The following PPARGC1A variants were observed in gnomAD, a reference collection of about 807,000 sequenced individuals.
The protein encoded by PPARGC1A is PPARG coactivator 1 alpha, also known as peroxisome proliferator-activated receptor gamma coactivator 1-alpha.
A neutral mutation model predicts 88.7 loss-of-function variants in PPARGC1A; 25 were observed. The ratio of observed to expected loss-of-function variants is 0.28; its 90% CI spans 0.21 to 0.39. The LOEUF is 0.39. PPARGC1A is among the 10% of genes least tolerant of loss of function. The probability of loss-of-function intolerance (pLI) is 1.00; values close to 1 mark genes in which losing one functional copy is unlikely to be tolerated. For missense variants in PPARGC1A, 880 were observed against 968.7 expected, an observed-to-expected ratio of 0.91 and a Z score of 1.22; for synonymous variants, 363 against 355.6, an observed-to-expected ratio of 1.02 and a Z score of -0.24.
At chr4:23,825,320 G>A (rs555471211) in intron 5 of PPARGC1A, 32 of 152,106 alleles carry the variant, frequency 2.1e-4, no homozygotes, top group African/African-American at 7.5e-4. Context: ...CATGTATTAT[G>A]TATATCTATG....
intron 2 of PPARGC1A, among the ~76,000 whole-genome samples, chr4:23,854,732 G>A (rs891944845): frequency 6.6e-6 from 1 of 152,112 alleles, no homozygotes; most frequent in African/African-American, 2.4e-5. Flanking sequence ...TCCTGAGGTT[G>A]GAGTGTGTCA....
chr4:23,803,572 G>C (rs1719181662), intron 10 of PPARGC1A, among the ~76,000 whole-genome samples: 1 of 152,144 alleles, frequency 6.6e-6, no homozygotes, highest in South Asian at 2.1e-4. Context: ...TGCATTCTTA[G>C]TGTAAGAAGC....
the PPARGC1A span, among the ~76,000 whole-genome samples, chr4:23,919,503 G>A: frequency 2.9e-5 from 3 of 105,106 alleles, no homozygotes; most frequent in South Asian, 9.5e-4. Flanking sequence ...GGAGGACTTT[G>A]GAGTTTGAAA....
At chr4:24,446,683 G>A in the PPARGC1A span, among the ~76,000 whole-genome samples, 2 of 145,178 alleles carry the variant, frequency 1.4e-5, no homozygotes, top group African/African-American at 2.6e-5. Context: ...TGCAACCTCC[G>A]CCCCCTAGGT....
At chr4:23,987,862 C>T in the PPARGC1A span, among the ~76,000 whole-genome samples, 1 of 151,956 alleles carries the variant, frequency 6.6e-6, no homozygotes, top group Admixed American at 6.6e-5. Context: ...CATAGGTATG[C>T]ACCTGCCACG....
the PPARGC1A span, among the ~76,000 whole-genome samples, chr4:24,464,340 T>C: frequency 1.3e-5 from 2 of 152,272 alleles, no homozygotes; most frequent in Non-Finnish European, 2.9e-5. Flanking sequence ...TGATAACATC[T>C]ATTTTCAGCA....
the PPARGC1A span, among the ~76,000 whole-genome samples, chr4:24,366,703 A>G: frequency 1.3e-5 from 2 of 152,130 alleles, no homozygotes; most frequent in South Asian, 2.1e-4. Flanking sequence ...TGCTCTCCCC[A>G]AGACCTAAAT....
chr4:23,796,661 A>C (rs146076887), intron 12 of PPARGC1A, among the ~76,000 whole-genome samples: 230 of 152,332 alleles, frequency 1.5e-3, no homozygotes, highest in African/African-American at 5.2e-3. Flanking sequence ...ATAGAAAGCA[A>C]AGTAAAATTC....
the PPARGC1A span, among the ~76,000 whole-genome samples, chr4:24,093,231 G>A: frequency 2.0e-5 from 3 of 152,304 alleles, no homozygotes; most frequent in East Asian, 3.9e-4. Context: ...AATGCTACTC[G>A]ATACTCTTTC....
At chr4:23,796,117 C>A (rs1003775325) in intron 12 of PPARGC1A, among the ~76,000 whole-genome samples, 192 bp from the exon 13 acceptor site, 1 of 151,998 alleles carries the variant, frequency 6.6e-6, no homozygotes, top group African/African-American at 2.4e-5. Flanking sequence ...TTCAAAAACA[C>A]GCACCTGTTG....
intron 2 of PPARGC1A, among the ~76,000 whole-genome samples, chr4:23,867,863 A>G (rs1017537636): frequency 6.6e-6 from 1 of 152,226 alleles, no homozygotes; most frequent in Non-Finnish European, 1.5e-5. Flanking sequence ...TGTTTTCATT[A>G]CAATCGTAAA....
chr4:23,904,432 C>T (rs16874313), upstream of PPARGC1A, among the ~76,000 whole-genome samples: 3,223 of 152,172 alleles, frequency 0.021, 117 homozygotes, highest in African/African-American at 0.073. Context: ...CACTTTATCC[C>T]GGGAACCCAT....
the PPARGC1A span, among the ~76,000 whole-genome samples, chr4:24,049,306 G>A: frequency 3.8e-5 from 1 of 26,602 alleles, no homozygotes; most frequent in African/African-American, 6.8e-5. Context: ...ATATATATGT[G>A]TGTATATATA....
At chr4:24,379,286 G>C in the PPARGC1A span, among the ~76,000 whole-genome samples, 1 of 152,264 alleles carries the variant, frequency 6.6e-6, no homozygotes, top group South Asian at 2.1e-4. Context: ...AGGGTGTATG[G>C]GTTGGAGGAG....
chr4:23,871,870 C>G (rs766475379), intron 2 of PPARGC1A, among the ~76,000 whole-genome samples: 52 of 152,076 alleles, frequency 3.4e-4, no homozygotes, highest in Non-Finnish European at 6.8e-4. Flanking sequence ...AGGATTTAAG[C>G]TCGAGTATTA....
chr4:24,286,497 T>C, the PPARGC1A span, among the ~76,000 whole-genome samples: 1 of 152,142 alleles, frequency 6.6e-6, no homozygotes, highest in Non-Finnish European at 1.5e-5. Flanking sequence ...GATCAACAGA[T>C]GCCTAGGAAG....
chr4:24,000,928 G>T, the PPARGC1A span, among the ~76,000 whole-genome samples: 1 of 152,152 alleles, frequency 6.6e-6, no homozygotes, highest in African/African-American at 2.4e-5. Flanking sequence ...GGACTAAGAT[G>T]AATAAGGGAG....
chr4:23,813,459 T>C (rs1450852139), intron 8 of PPARGC1A, among the ~76,000 whole-genome samples: 1 of 152,118 alleles, frequency 6.6e-6, no homozygotes, highest in East Asian at 1.9e-4. Flanking sequence ...TCTTAACAAA[T>C]TGCTCTCTCT....
intron 2 of PPARGC1A, among the ~76,000 whole-genome samples, chr4:23,878,673 A>G (rs1256299909): frequency 2.6e-5 from 4 of 152,022 alleles, no homozygotes; most frequent in African/African-American, 9.7e-5. Context: ...ACACACACAC[A>G]CACAAACGAA....
Sources: allele counts gnomAD v4.1 joint callset (sites outside exome capture counted in the v4.1 genomes callset), GRCh38; gene constraint gnomAD v4.1.1; transcripts MANE v1.5; gene names NCBI Gene and HGNC (gene_info 2026-07-23, HGNC 2026-07-21).